Variants in MPPED1 observed in about 807,000 individuals in gnomAD.
MPPED1 encodes metallophosphoesterase domain containing 1, also known as metallophosphoesterase domain-containing protein 1.
Under a neutral mutation model 36.2 loss-of-function variants are expected in MPPED1, and 16 were observed. The observed-to-expected ratio is 0.44, with a 90% CI of 0.30 to 0.67. The LOEUF is 0.67. MPPED1 is among the 30% of genes least tolerant of loss of function. The pLI, the probability that MPPED1 is intolerant of heterozygous loss-of-function variation, is 0.10. For synonymous variants in MPPED1, 199 were observed against 191.3 expected (o/e 1.04, Z -0.33); for missense variants, 307 against 453.4 (o/e 0.68, Z 2.93).
chr22:43,477,978 A>G (rs1317462663), intron 4 of MPPED1, among the ~76,000 whole-genome samples: 2 of 152,186 alleles, frequency 1.3e-5, no homozygotes, highest in Non-Finnish European at 2.9e-5. Flanking sequence ...GTCATTTATT[A>G]TTACTGGGGT....
At chr22:43,498,122 C>T in intron 4 of MPPED1, 113 bp from the exon 5 acceptor site, 1 of 739,704 alleles carries the variant, frequency 1.4e-6, no homozygotes, top group Non-Finnish European at 2.2e-6. Flanking sequence ...CCCTGGGTCT[C>T]CAGGTAGCGA....
At chr22:43,503,074 G>A (rs910230165) in intron 6 of MPPED1, among the ~76,000 whole-genome samples, 1 of 152,180 alleles carries the variant, frequency 6.6e-6, no homozygotes, top group Non-Finnish European at 1.5e-5. Flanking sequence ...AGGGGCATTT[G>A]AGCCGTGACA....
intron 1 of MPPED1, among the ~76,000 whole-genome samples, chr22:43,419,482 C>T (rs974189475): frequency 2.6e-5 from 4 of 152,268 alleles, no homozygotes; most frequent in African/African-American, 4.8e-5. Flanking sequence ...AGGCAGGACC[C>T]CCTCTGTGCC....
intron 3 of MPPED1, among the ~76,000 whole-genome samples, chr22:43,455,948 C>G (rs1025699610): frequency 6.6e-6 from 1 of 152,198 alleles, no homozygotes; most frequent in African/African-American, 2.4e-5. Flanking sequence ...ATTCAGGTGT[C>G]GGCAGGGCTG....
At chr22:43,457,325 A>T (rs1930788911) in intron 3 of MPPED1, among the ~76,000 whole-genome samples, 1 of 152,166 alleles carries the variant, frequency 6.6e-6, no homozygotes, top group Non-Finnish European at 1.5e-5. Context: ...TATAGCGACT[A>T]CAGCTCTCTT....
intron 4 of MPPED1, among the ~76,000 whole-genome samples, chr22:43,485,715 A>C (rs1363158448): frequency 6.6e-6 from 1 of 152,252 alleles, no homozygotes; most frequent in Non-Finnish European, 1.5e-5. Flanking sequence ...GAAATGAATC[A>C]TCTGCCTCCT....
rs1321289636 is a variant in MPPED1, at chr22:43,447,883, A to ATATT, written c.406+12669_406+12670insATTT. Among the ~76,000 whole-genome samples, 155 of 67,694 alleles carry ATATT rather than the reference A, an allele frequency of 2.3e-3. 4 individuals are homozygous for ATATT. Among genetic ancestry groups the ATATT allele is most frequent in the East Asian group, 5.7e-3 (19 of 3,350 alleles). 44.4% of individuals were successfully genotyped at this position (67,694 alleles called of 152,430 possible). On this transcript the variant is annotated intron_variant, in intron 3 of 6. Transcript: ENST00000443721. ...ATTATATATATATATATATATATATATTTTTTTTTTTTTTAGACAAAGTCT... is the reference window on the plus strand; with the variant it reads ...ATTATATATATATATATATATATATATATTTTTTTTTTTTTTTTAGACAAAGTCT...
In MPPED1 at chr22:43,502,775, A is replaced by C. The variant is rs1180621958; in HGVS notation, c.862+18A>C. On this transcript the variant is annotated intron_variant, in intron 6 of 6. Coordinates refer to ENST00000443721, the MANE Select transcript of MPPED1 (RefSeq NM_001044370.2). This position sits in a 1 kb window ranked among gnomAD's most constrained non-coding sequence, Gnocchi z 5.5. Reference sequence around the variant, plus strand: ...CCACGAAGGTCAGTACGTAGCGGAGACAGGCACCTCACGGGCTAGGGGCTC... The same window carrying C: ...CCACGAAGGTCAGTACGTAGCGGAGCCAGGCACCTCACGGGCTAGGGGCTC... 5 of 1,607,724 alleles carry C rather than the reference A, an allele frequency of 3.1e-6. No individual in the cohort carries two copies. Among genetic ancestry groups the C allele is most frequent in the Non-Finnish European group, 4.3e-6 (5 of 1,175,086 alleles).
At chr22:43,475,385 C>T (rs1187321121) in intron 4 of MPPED1, among the ~76,000 whole-genome samples, 2 of 148,372 alleles carry the variant, frequency 1.3e-5, no homozygotes, top group Non-Finnish European at 3.0e-5. Context: ...GAATCTTTCT[C>T]TAATGCTGTC....
intron 5 of MPPED1, among the ~76,000 whole-genome samples, chr22:43,500,359 AGGTGGTGATGGGGGT>A (rs1932681108): frequency 2.1e-5 from 1 of 48,702 alleles, no homozygotes; most frequent in African/African-American, 8.5e-5. Context: ...ATGGTGATGG[AGGTGGTGATGGGGGT>A]GGTGGTGGTG....
At chr22:43,423,097 G>A (rs1162533013) in intron 1 of MPPED1, among the ~76,000 whole-genome samples, 5 of 152,216 alleles carry the variant, frequency 3.3e-5, no homozygotes, top group African/African-American at 9.6e-5. Flanking sequence ...TCAGCCTCCC[G>A]AAGTGCTGGG....
intron 2 of MPPED1, among the ~76,000 whole-genome samples, chr22:43,433,905 T>C (rs1203710206): frequency 6.6e-6 from 1 of 152,242 alleles, no homozygotes; most frequent in Non-Finnish European, 1.5e-5. Context: ...TGTTGAAATG[T>C]CATTGCGTTG....
At chr22:43,482,336 T>G (rs1287447022) in intron 4 of MPPED1, among the ~76,000 whole-genome samples, 1 of 152,182 alleles carries the variant, frequency 6.6e-6, no homozygotes, top group Admixed American at 6.5e-5. Context: ...GAGAAGTGGC[T>G]GCCGGGCCCG....
rs1930572334 is a variant in MPPED1, at chr22:43,451,681, GT to G, written c.406+16472del. On this transcript the variant is annotated intron_variant, in intron 3 of 6. Coordinates refer to ENST00000443721, the MANE Select transcript of MPPED1 (RefSeq NM_001044370.2). ...TTTGTCATGTTGGTGTTTGAAAGAAGTTTTTTGCTCATTGATCCAACCATGC... is the reference window on the plus strand; with the variant it reads ...TTTGTCATGTTGGTGTTTGAAAGAAGTTTTTGCTCATTGATCCAACCATGC... Among the ~76,000 whole-genome samples, 4 of 152,350 alleles carry G rather than the reference GT, an allele frequency of 2.6e-5. No individual in the cohort carries two copies. The South Asian group carries it at 8.3e-4, about 32-fold the overall frequency.
At chr22:43,499,632 GTGGA>G (rs1932570135) in intron 5 of MPPED1, among the ~76,000 whole-genome samples, 1 of 124,596 alleles carries the variant, frequency 8.0e-6, no homozygotes, top group Non-Finnish European at 1.7e-5. Context: ...GGTGATGATG[GTGGA>G]GGTGGTGGTG....
chr22:43,483,652 G>A (rs1931818491), intron 4 of MPPED1, among the ~76,000 whole-genome samples: 1 of 152,208 alleles, frequency 6.6e-6, no homozygotes, highest in Admixed American at 6.5e-5. Context: ...TCCCTCTGAG[G>A]TGTTAGGGGT....
At position 43,445,616 on chromosome 22, in the gene MPPED1, G is replaced by A. The variant is rs150678957; in HGVS notation, c.406+10401G>A. On this transcript the variant is annotated intron_variant, in intron 3 of 6. Coordinates refer to ENST00000443721, the MANE Select transcript of MPPED1 (RefSeq NM_001044370.2). Reference sequence around the variant, plus strand: ...CACTCTGTTGCCCAGTCTGGAGTGCGGTGGCACAATCATTGCTTACTGCAG... The same window carrying A: ...CACTCTGTTGCCCAGTCTGGAGTGCAGTGGCACAATCATTGCTTACTGCAG... Among the ~76,000 whole-genome samples, 1,260 of 147,602 alleles carry A rather than the reference G, an allele frequency of 8.5e-3. 25 individuals carry two copies. Among genetic ancestry groups the A allele is most frequent in the South Asian group, 0.064 (298 of 4,658 alleles).
intron 3 of MPPED1, among the ~76,000 whole-genome samples, chr22:43,445,623 C>T (rs952202903): frequency 6.8e-6 from 1 of 147,920 alleles, no homozygotes; most frequent in Non-Finnish European, 1.5e-5. Context: ...TGCGGTGGCA[C>T]AATCATTGCT....
chr22:43,432,881 A>AGAGAG (rs1569067583), intron 2 of MPPED1, among the ~76,000 whole-genome samples: 5 of 4,554 alleles, frequency 1.1e-3, no homozygotes, highest in Non-Finnish European at 1.3e-3. Context: ...GAGAGAGGGA[A>AGAGAG]AGAGAAAGGG....
Sources: allele counts gnomAD v4.1 joint callset (sites outside exome capture counted in the v4.1 genomes callset), GRCh38; gene constraint gnomAD v4.1.1; non-coding constraint Gnocchi (gnomAD v3.1); transcripts MANE v1.5; gene names NCBI Gene and HGNC (gene_info 2026-07-23, HGNC 2026-07-21).